Variants in ADGRA1 observed in about 807,000 individuals in gnomAD.
ADGRA1 encodes the protein adhesion G protein-coupled receptor A1.
In ADGRA1, 12 loss-of-function variants were observed where a neutral mutation model predicts 21.3. The ratio of observed to expected loss-of-function variants is 0.56; its 90% CI spans 0.36 to 0.91. The LOEUF is 0.91. Among genes scored for constraint, ADGRA1 ranks in the 40% least tolerant of loss-of-function variants. ADGRA1 has a pLI of 0.01. For missense variants in ADGRA1, 790 were observed against 805.6 expected, an observed-to-expected ratio of 0.98 and a Z score of 0.23; for synonymous variants, 385 against 368.8, an observed-to-expected ratio of 1.04 and a Z score of -0.50.
In ADGRA1 at chr10:133,130,942, CGTA is replaced by C. The variant is rs748672203; in HGVS notation, c.*1437_*1439del. On this transcript the variant is annotated 3_prime_UTR_variant, in exon 7 of 7. Coordinates refer to ENST00000392607, the MANE Select transcript of ADGRA1 (RefSeq NM_001083909.3). ...CCTGCTGTGCACATGTGCACACACA[CGTA>C]GTAGTGTGTTTTCCAGCCACCCACA... The C allele has an allele frequency of 6.6e-6, 1 of 152,242 alleles. No individual in the cohort carries two copies. The highest frequency in any genetic ancestry group is 1.5e-5 in the Non-Finnish European group (1 of 68,048). 9.4% of individuals were successfully genotyped at this position (152,242 alleles called of 1,614,324 possible).
At chr10:133,095,043 A>C (rs1030378260) in intron 2 of ADGRA1, among the ~76,000 whole-genome samples, 1 of 152,162 alleles carries the variant, frequency 6.6e-6, no homozygotes, top group Non-Finnish European at 1.5e-5. Flanking sequence ...CAGAGCCCCC[A>C]TGCATCGTCT....
chr10:133,088,081 C>T lies in ADGRA1; in HGVS notation c.-260C>T, dbSNP rs1386205166. 1.0e-6 allele frequency: 1 copy of T among 985,186 alleles called. No individual in the cohort carries two copies. Among genetic ancestry groups the T allele is most frequent in the South Asian group, 4.7e-5 (1 of 21,288 alleles). The allele number at this position is 985,186 out of a possible 1,614,324, so 61.0% of individuals were successfully genotyped here. On this transcript the variant is annotated 5_prime_UTR_variant, in exon 1 of 7. Coordinates refer to ENST00000392607, the MANE Select transcript of ADGRA1 (RefSeq NM_001083909.3). ...CGGGTCCCCGGCGGGGGGAGCGCAG[C>T]GCGTCTGTCTCCGGGAGCGCGGCCC...
intron 6 of ADGRA1, 133 bp from the exon 7 acceptor site, chr10:133,128,196 C>T: frequency 3.2e-6 from 2 of 628,522 alleles, no homozygotes; most frequent in South Asian, 2.3e-5. Context: ...CTAGAAACGC[C>T]CAAGGCCCCC....
chr10:133,116,595 TC>T (rs1476511548), intron 5 of ADGRA1, among the ~76,000 whole-genome samples: 202 of 149,358 alleles, frequency 1.4e-3, no homozygotes, highest in South Asian at 3.7e-3. Context: ...AGGCGTCCTC[TC>T]CCCCCAGGTG....
chr10:133,125,422 T>TTTTG lies in ADGRA1; in HGVS notation c.402-1794_402-1791dup, dbSNP rs575229909. ...ATTTTTAAAAAATTTGTTTTAATGTTTTTGTTTGTTTGTTTGTTTGAGACG... is the reference window on the plus strand; with the variant it reads ...ATTTTTAAAAAATTTGTTTTAATGTTTTTGTTTGTTTGTTTGTTTGTTTGAGACG... On this transcript the variant is annotated intron_variant, in intron 5 of 6. Transcript: ENST00000392607. Among the ~76,000 whole-genome samples the TTTTG allele has an allele frequency of 1.7e-3, 263 of 152,286 alleles. 4 individuals carry two copies. The highest frequency in any genetic ancestry group is 5.2e-3 in the Admixed American group (79 of 15,300).
Position 133,129,181 on chromosome 10 carries a change from G to C in ADGRA1, c.1353G>C (p.Ser451=). 6.4e-7 allele frequency: 1 copy of C among 1,550,816 alleles called. No homozygotes were observed. The highest frequency in any genetic ancestry group is 1.4e-5 in the African/African-American group (1 of 73,180). Residue 451 remains serine (S), a synonymous_variant, in exon 7 of 7, where the codon TCG becomes TCC. Transcript: ENST00000392607. The stretch of plus-strand genomic sequence containing the variant: ...GCCTGGATGGCAGCCCCCGCAGCTC[G>C]CGCACAGACAGCCCCCCCAGCTCTC... The part of the protein sequence containing the change: ...PSSLDGSPRS[S]RTDSPPSSLD...
At chr10:133,123,792 A>G (rs1341091653) in intron 5 of ADGRA1, among the ~76,000 whole-genome samples, 4 of 148,194 alleles carry the variant, frequency 2.7e-5, no homozygotes, top group Non-Finnish European at 4.5e-5. Context: ...CCTGAAAGCC[A>G]GCAGCCCTGC....
At chr10:133,106,335 G>A (rs1224745925) in intron 5 of ADGRA1, among the ~76,000 whole-genome samples, 1 of 152,250 alleles carries the variant, frequency 6.6e-6, no homozygotes, top group Non-Finnish European at 1.5e-5. Context: ...AGCATCCGGT[G>A]AGGCCCCTGC....
At chr10:133,121,624 GTGA>G (rs1852261405) in intron 5 of ADGRA1, among the ~76,000 whole-genome samples, 2 of 150,240 alleles carry the variant, frequency 1.3e-5, no homozygotes, top group African/African-American at 4.9e-5. Context: ...GCCTGTGTGT[GTGA>G]TGTGTGCCAG....
chr10:133,119,814 C>A (rs982895711), intron 5 of ADGRA1, among the ~76,000 whole-genome samples: 1 of 152,248 alleles, frequency 6.6e-6, no homozygotes, highest in African/African-American at 2.4e-5. Context: ...TAGGTCTCAA[C>A]AGTGGGCTTT....
Position 133,112,038 on chromosome 10 carries a change from T to C in ADGRA1, c.401+9196T>C, listed in dbSNP as rs201373038. 2.1e-5 allele frequency among the ~76,000 whole-genome samples: 2 copies of C among 96,592 alleles called. 1 individual carries two copies. The highest frequency in any genetic ancestry group is 3.7e-5 in the Non-Finnish European group (2 of 53,510). The allele number at this position is 96,592 out of a possible 152,430, so 63.4% of individuals were successfully genotyped here. ...CCACAGACACCTCCCTCCTAATGCC[T>C]CCAGACCACCTGCCTGCCATGGGCA... On this transcript the variant is annotated intron_variant, in intron 5 of 6. Coordinates refer to ENST00000392607, the MANE Select transcript of ADGRA1 (RefSeq NM_001083909.3).
At chr10:133,119,245 A>C (rs976273919) in intron 5 of ADGRA1, among the ~76,000 whole-genome samples, 2 of 110,698 alleles carry the variant, frequency 1.8e-5, no homozygotes, top group African/African-American at 3.6e-5. Context: ...CCTTACAGCC[A>C]CTGGTCCTTT....
At chr10:133,127,202 G>A in intron 5 of ADGRA1, 31 bp from the exon 6 acceptor site, 2 of 1,473,954 alleles carry the variant, frequency 1.4e-6, no homozygotes, top group Non-Finnish European at 1.8e-6. Flanking sequence ...GGCGGCGTCT[G>A]CAAGGGGGTC....
intron 5 of ADGRA1, among the ~76,000 whole-genome samples, chr10:133,111,004 C>A (rs1380234648): frequency 1.3e-5 from 2 of 152,108 alleles, no homozygotes; most frequent in African/African-American, 2.4e-5. Flanking sequence ...GGAAATGTGG[C>A]TGAACTGGGG....
intron 5 of ADGRA1, among the ~76,000 whole-genome samples, chr10:133,120,334 G>C (rs1402566151): frequency 1.3e-5 from 2 of 152,212 alleles, no homozygotes; most frequent in Non-Finnish European, 2.9e-5. Flanking sequence ...GAACCTGGGA[G>C]GTGGAGGTTG....
In ADGRA1 at chr10:133,102,774, G is replaced by A; in HGVS notation, c.333G>A (p.Gln111=). ...TGACCGCCAGGAACATCTACAAGCAGGTGACCAAGAAGGCCCCTCTGTGCC... is the reference window on the plus strand; with the variant it reads ...TGACCGCCAGGAACATCTACAAGCAAGTGACCAAGAAGGCCCCTCTGTGCC... ...IGVTARNIYK[Q]VTKKAPLCLD... is the part of the protein sequence containing the mutation. The change falls in exon 5 of 7, where the codon CAG becomes CAA. Residue 111 remains glutamine (Q), a synonymous_variant. Transcript: ENST00000392607. 6.2e-7 allele frequency: 1 copy of A among 1,612,888 alleles called. No homozygotes were observed. The highest frequency in any genetic ancestry group is 8.5e-7 in the Non-Finnish European group (1 of 1,179,876).
chr10:133,115,261 G>T (rs983351114), intron 5 of ADGRA1, among the ~76,000 whole-genome samples: 2 of 152,184 alleles, frequency 1.3e-5, no homozygotes, highest in African/African-American at 4.8e-5. Flanking sequence ...CCCCTAGGCA[G>T]GGGTGGCGCA....
In ADGRA1 at chr10:133,092,747, GAGGGAGGAAGGAAGGA is replaced by G. The variant is rs1215282190; in HGVS notation, c.3+3839_3+3854del. 4.0e-4 allele frequency among the ~76,000 whole-genome samples: 33 copies of G among 81,572 alleles called. No homozygotes were observed. The South Asian group carries it at 4.6e-3, about 11-fold the overall frequency. The allele number at this position is 81,572 out of a possible 152,430, so 53.5% of individuals were successfully genotyped here. ...ACCTGAATGAAGAAGGAGAAATAGG[GAGGGAGGAAGGAAGGA>G]AGGAAGGAAGGAAGGAAGGAAGGAA... On this transcript the variant is annotated intron_variant, in intron 2 of 6. Coordinates refer to ENST00000392607, the MANE Select transcript of ADGRA1 (RefSeq NM_001083909.3).
intron 1 of ADGRA1, 50 bp from the exon 2 acceptor site, chr10:133,088,658 C>T: frequency 8.7e-7 from 1 of 1,155,028 alleles, no homozygotes; most frequent in Non-Finnish European, 1.1e-6. Flanking sequence ...TGCGAGCTGC[C>T]CTCCGCGGGG....
Sources: allele counts gnomAD v4.1 joint callset (sites outside exome capture counted in the v4.1 genomes callset), GRCh38; gene constraint gnomAD v4.1.1; transcripts MANE v1.5; gene names NCBI Gene and HGNC (gene_info 2026-07-23, HGNC 2026-07-21).